Variants in CNGB1 observed in about 807,000 individuals in gnomAD.
CNGB1 encodes cyclic nucleotide gated channel subunit beta 1, also known as cyclic nucleotide-gated channel beta-1.
A neutral mutation model predicts 151.7 loss-of-function variants in CNGB1; 126 were observed. The observed-to-expected ratio is 0.83, with a 90% confidence interval of 0.72 to 0.96. CNGB1 has a LOEUF of 0.96. CNGB1 is among the 40% of genes least tolerant of loss of function. The pLI, the probability that CNGB1 is intolerant of heterozygous loss-of-function variation, is 0.00. For missense variants in CNGB1, 1,698 were observed against 1,627.0 expected, an observed-to-expected ratio of 1.04 and a Z score of -0.75; for synonymous variants, 623 against 635.1, an observed-to-expected ratio of 0.98 and a Z score of 0.29.
chr16:57,951,978 G>A (rs1299673905), intron 12 of CNGB1, among the ~76,000 whole-genome samples: 2 of 152,242 alleles, frequency 1.3e-5, no homozygotes, highest in Admixed American at 6.5e-5. Context: ...AACGCCCCTG[G>A]GGTTTGGCCA....
At chr16:57,956,776 T>C (rs1962097885) in intron 12 of CNGB1, among the ~76,000 whole-genome samples, 1 of 152,212 alleles carries the variant, frequency 6.6e-6, no homozygotes, top group African/African-American at 2.4e-5. Flanking sequence ...CTAGAGGCCA[T>C]GAAGTGAAGA....
At chr16:57,965,922 CA>C (rs1962387195) in intron 2 of CNGB1, among the ~76,000 whole-genome samples, 1 of 152,200 alleles carries the variant, frequency 6.6e-6, no homozygotes, top group Non-Finnish European at 1.5e-5. Flanking sequence ...ACCAAGGGCA[CA>C]CTACACACAT....
intron 1 of CNGB1, 54 bp from the exon 2 acceptor site, chr16:57,967,348 C>T: frequency 6.6e-7 from 1 of 1,524,334 alleles, no homozygotes; most frequent in East Asian, 2.2e-5. Context: ...TAGCTCCCGC[C>T]ACTTATGGGC....
intron 18 of CNGB1, among the ~76,000 whole-genome samples, chr16:57,921,125 CT>C (rs112809722): frequency 0.04 from 5,737 of 142,564 alleles, 359 homozygotes; most frequent in African/African-American, 0.14. Context: ...TCTTTTTTAT[CT>C]TTTTTTTTTT....
intron 12 of CNGB1, among the ~76,000 whole-genome samples, chr16:57,957,034 G>T (rs892920823): frequency 7.2e-5 from 11 of 152,194 alleles, no homozygotes; most frequent in African/African-American, 2.7e-4. Context: ...ATTACCAGCA[G>T]GAAGGAGAGC....
At chr16:57,896,998 T>C (rs1960246948) in intron 31 of CNGB1, among the ~76,000 whole-genome samples, 1 of 151,990 alleles carries the variant, frequency 6.6e-6, no homozygotes, top group African/African-American at 2.4e-5. Flanking sequence ...AATACGAAAT[T>C]TCCTTATTTT....
Position 57,940,331 on chromosome 16 carries a change from G to A in CNGB1, c.1122-10C>T, listed in dbSNP as rs756469092. 2.7e-5 allele frequency: 43 copies of A among 1,567,344 alleles called. No individual in the cohort carries two copies. Among genetic ancestry groups the A allele is most frequent in the African/African-American group, 1.2e-4 (9 of 74,130 alleles). ...GCTATCCAGCAGCACCCTGTGACCC[G>A]GGGCGGGGTGGGGAGGATAAAAGGA... On this transcript the variant is annotated splice_polypyrimidine_tract_variant and intron_variant, in intron 14 of 32. Coordinates refer to ENST00000251102, the MANE Select transcript of CNGB1 (RefSeq NM_001297.5).
intron 16 of CNGB1, among the ~76,000 whole-genome samples, chr16:57,932,943 C>A (rs1388334542): frequency 1.3e-5 from 2 of 151,936 alleles, no homozygotes; most frequent in Non-Finnish European, 2.9e-5. Context: ...GGGGGCGGGT[C>A]TCACTCTGTC....
chr16:57,885,879 C>G (rs1223577148), intron 32 of CNGB1, among the ~76,000 whole-genome samples: 17 of 152,130 alleles, frequency 1.1e-4, no homozygotes, highest in African/African-American at 4.1e-4. Context: ...CAGGGGTGAG[C>G]CACCTGTGCC....
At position 57,884,298 on chromosome 16, in the gene CNGB1, G is replaced by A; in HGVS notation, c.3622C>T (p.Pro1208Ser). ...SSPPPASLGRPEGEEEGPAEP... is the reference protein window; with the variant it reads ...SSPPPASLGRSEGEEEGPAEP... Reference sequence around the variant, plus strand: ...GCCGGCCCCTCCTCCTCTCCCTCCGGCCTCCCAAGGGAGGCAGGCGGTGGA... The same window carrying A: ...GCCGGCCCCTCCTCCTCTCCCTCCGACCTCCCAAGGGAGGCAGGCGGTGGA... Residue 1208 changes from proline (P) to serine (S), a missense_variant, in exon 33 of 33, where the codon CCG becomes TCG. By Grantham distance (74) the Pro-to-Ser change is moderately conservative (BLOSUM62 -1). Coordinates refer to ENST00000251102, the MANE Select transcript of CNGB1 (RefSeq NM_001297.5). The A allele has an allele frequency of 2.5e-6, 4 of 1,613,022 alleles. No homozygotes were observed. Among genetic ancestry groups the A allele is most frequent in the Non-Finnish European group, 3.4e-6 (4 of 1,179,678 alleles).
At position 57,913,111 on chromosome 16, in the gene CNGB1, G is replaced by A. The variant is rs1480351963; in HGVS notation, c.2305-117C>T. On this transcript the variant is annotated intron_variant, in intron 23 of 32. Transcript: ENST00000251102. The stretch of plus-strand genomic sequence containing the variant: ...TGCAGCCCCCAGGAGGGAACAGGAC[G>A]GTGAGCATTCAATATCAGAAGTCCT... 2.5e-5 allele frequency: 22 copies of A among 896,500 alleles called. 1 individual carries two copies. The highest frequency in any genetic ancestry group is 1.1e-4 in the South Asian group (8 of 74,714). 55.5% of individuals were successfully genotyped at this position (896,500 alleles called of 1,614,324 possible).
intron 17 of CNGB1, 81 bp downstream of exon 17, chr16:57,931,635 C>T: frequency 6.6e-7 from 1 of 1,508,664 alleles, no homozygotes; most frequent in African/African-American, 1.4e-5. Flanking sequence ...CTGCTTCTCC[C>T]TCTGGCCTCA....
chr16:57,947,132 T>G (rs766711143), intron 14 of CNGB1, among the ~76,000 whole-genome samples: 8 of 152,202 alleles, frequency 5.3e-5, no homozygotes, highest in African/African-American at 1.9e-4. Flanking sequence ...TCTGTGTTGG[T>G]GTGCTGGTGC....
intron 29 of CNGB1, among the ~76,000 whole-genome samples, chr16:57,899,616 GGA>G (rs201415347): frequency 0.027 from 4,073 of 152,266 alleles, 51 homozygotes; most frequent in Middle Eastern, 0.037. Context: ...CTCCACCCTG[GGA>G]GAGAGAGTGG....
At chr16:57,945,084 A>G (rs146761777) in intron 14 of CNGB1, among the ~76,000 whole-genome samples, 1 of 152,160 alleles carries the variant, frequency 6.6e-6, no homozygotes, top group African/African-American at 2.4e-5. Context: ...CAAGCTGAGA[A>G]AACAGAGGCT....
rs1208704644 is a variant in CNGB1, at chr16:57,916,181, TGAAA to T, written c.2167-6_2167-3del. 1 of 1,613,422 alleles carries T rather than the reference TGAAA, an allele frequency of 6.2e-7. No individual in the cohort carries two copies. Among genetic ancestry groups the T allele is most frequent in the Admixed American group, 1.7e-5 (1 of 60,016 alleles). On this transcript the variant is annotated splice_polypyrimidine_tract_variant and splice_region_variant and intron_variant, in intron 21 of 32. Coordinates refer to ENST00000251102, the MANE Select transcript of CNGB1 (RefSeq NM_001297.5). ...ATTTCGCATGTCCTTTTTGTCCGTC[TGAAA>T]GAAAGGGAATGATGATGGTGAAATG...
At position 57,964,163 on chromosome 16, in the gene CNGB1, C is replaced by T. The variant is rs8055343; in HGVS notation, c.257G>A (p.Arg86Gln). ...TTCAGAAATCTCAGCGCCCTGGGCC[C>T]GGAGGGATATGGTGGAAGTAAGGGC... ...EAALTSTISL[R>Q]AQGAEISEMN... Residue 86 changes from arginine to glutamine, a missense_variant, in exon 4 of 33, where the codon CGG (arginine) becomes CAG (glutamine). Physicochemically the swap from Arg to Gln is conservative, Grantham distance 43. Transcript: ENST00000251102. 9,934 of 1,614,124 alleles carry T rather than the reference C, an allele frequency of 6.2e-3. 508 individuals are homozygous for T. In the African/African-American group the frequency reaches 0.12, roughly 19 times the overall value.
chr16:57,897,391 A>C lies in CNGB1; in HGVS notation c.3242+6T>G. ...TTTTTTATTAAACGAAAGAAAAGTTACATACCTGGCTTTCTTCCGGAGTAA... is the reference window on the plus strand; with the variant it reads ...TTTTTTATTAAACGAAAGAAAAGTTCCATACCTGGCTTTCTTCCGGAGTAA... On this transcript the variant is annotated splice_donor_region_variant and intron_variant, in intron 31 of 32. Transcript: ENST00000251102. The C allele has an allele frequency of 3.7e-6, 6 of 1,614,154 alleles. No individual in the cohort carries two copies. Among genetic ancestry groups the C allele is most frequent in the Non-Finnish European group, 5.1e-6 (6 of 1,180,014 alleles).
chr16:57,941,878 G>T (rs190927588), intron 14 of CNGB1, among the ~76,000 whole-genome samples: 1 of 151,296 alleles, frequency 6.6e-6, no homozygotes, highest in East Asian at 1.9e-4. Flanking sequence ...TTGAGACAGG[G>T]TCTTACTCTG....
Sources: allele counts gnomAD v4.1 joint callset (sites outside exome capture counted in the v4.1 genomes callset), GRCh38; gene constraint gnomAD v4.1.1; transcripts MANE v1.5; gene names NCBI Gene and HGNC (gene_info 2026-07-23, HGNC 2026-07-21).